The following ASTN1 variants were observed in gnomAD, a reference collection of about 807,000 sequenced individuals.
The protein encoded by ASTN1 is astrotactin-1.
In ASTN1, 41 loss-of-function variants were observed where a neutral mutation model predicts 140.7. The observed-to-expected ratio is 0.29, with a 90% confidence interval of 0.23 to 0.38. ASTN1 has a LOEUF of 0.38. Among genes scored for constraint, ASTN1 ranks in the 10% least tolerant of loss-of-function variants. ASTN1 has a pLI of 1.00. For synonymous variants in ASTN1, 640 were observed against 652.2 expected (o/e 0.98, Z 0.29); for missense variants, 1,479 against 1,678.8 (o/e 0.88, Z 2.08).
At chr1:177,098,763 G>A (rs1680165455) in intron 1 of ASTN1, among the ~76,000 whole-genome samples, 1 of 152,162 alleles carries the variant, frequency 6.6e-6, no homozygotes, top group African/African-American at 2.4e-5. Flanking sequence ...ATCTGCCTCA[G>A]GATAAGGAAA....
At chr1:177,099,466 G>C (rs1680199605) in intron 1 of ASTN1, among the ~76,000 whole-genome samples, 1 of 151,912 alleles carries the variant, frequency 6.6e-6, no homozygotes, top group Admixed American at 6.6e-5. Flanking sequence ...TTGGACATAA[G>C]AGATAACCAC....
chr1:176,962,371 G>A (rs1430252162), intron 9 of ASTN1, among the ~76,000 whole-genome samples: 1 of 152,152 alleles, frequency 6.6e-6, no homozygotes, highest in African/African-American at 2.4e-5. Context: ...TGAACATCAA[G>A]GTCTTTCCTT....
chr1:176,963,581 C>A (rs1672756823), intron 9 of ASTN1, among the ~76,000 whole-genome samples: 1 of 152,160 alleles, frequency 6.6e-6, no homozygotes, highest in Non-Finnish European at 1.5e-5. Context: ...GGTTGGCAGC[C>A]AGCAACTTTG....
intron 8 of ASTN1, among the ~76,000 whole-genome samples, chr1:176,971,693 C>G (rs1291745165): frequency 6.6e-6 from 1 of 152,150 alleles, no homozygotes; most frequent in Non-Finnish European, 1.5e-5. Context: ...CTATTTTCTG[C>G]TCACCAGATA....
intron 17 of ASTN1, among the ~76,000 whole-genome samples, chr1:176,891,569 G>T (rs562227000): frequency 6.6e-6 from 1 of 152,176 alleles, no homozygotes; most frequent in African/African-American, 2.4e-5. Flanking sequence ...CGAGGCTGGC[G>T]GATCACCTGA....
intron 2 of ASTN1, among the ~76,000 whole-genome samples, chr1:177,056,442 T>C (rs1677808977): frequency 6.6e-6 from 1 of 152,088 alleles, no homozygotes; most frequent in Admixed American, 6.5e-5. Context: ...CTCCAGATAC[T>C]GGCCAAGGAG....
chr1:176,896,049 T>C (rs1669488282), intron 16 of ASTN1, among the ~76,000 whole-genome samples: 1 of 152,184 alleles, frequency 6.6e-6, no homozygotes, highest in South Asian at 2.1e-4. Context: ...AAGGTGATTG[T>C]AGATATGACT....
chr1:176,987,510 A>G (rs1246638058), intron 8 of ASTN1, among the ~76,000 whole-genome samples: 1 of 152,156 alleles, frequency 6.6e-6, no homozygotes, highest in Non-Finnish European at 1.5e-5. Context: ...GTAAAATCCA[A>G]GCTTCTCATT....
At chr1:176,962,185 AC>A (rs1161586481) in intron 9 of ASTN1, among the ~76,000 whole-genome samples, 2 of 152,056 alleles carry the variant, frequency 1.3e-5, no homozygotes, top group African/African-American at 4.8e-5. Flanking sequence ...ACCAATCCCT[AC>A]CCCCACAGTC....
intron 11 of ASTN1, among the ~76,000 whole-genome samples, chr1:176,956,437 G>A (rs1382383926): frequency 3.9e-5 from 6 of 152,126 alleles, no homozygotes; most frequent in East Asian, 3.9e-4. Flanking sequence ...TCAGTGATGG[G>A]GAAGAGGGGA....
At chr1:177,066,115 A>C (rs535085941) in intron 1 of ASTN1, among the ~76,000 whole-genome samples, 1 of 152,276 alleles carries the variant, frequency 6.6e-6, no homozygotes, top group African/African-American at 2.4e-5. Flanking sequence ...AGAAAAGTTT[A>C]ATATCTCAAA....
intron 1 of ASTN1, among the ~76,000 whole-genome samples, chr1:177,110,767 G>A (rs761586607): frequency 3.3e-5 from 5 of 152,092 alleles, no homozygotes; most frequent in Non-Finnish European, 7.3e-5. Flanking sequence ...AGCCACAGTC[G>A]GGACTCAAGA....
At chr1:176,959,915 G>A (rs1049815184) in intron 9 of ASTN1, among the ~76,000 whole-genome samples, 1 of 152,144 alleles carries the variant, frequency 6.6e-6, no homozygotes, top group Non-Finnish European at 1.5e-5. Flanking sequence ...TGTGCAGGGA[G>A]GTGCCTGCAC....
intron 21 of ASTN1, among the ~76,000 whole-genome samples, chr1:176,872,934 A>G (rs1457066844): frequency 6.6e-6 from 1 of 152,148 alleles, no homozygotes; most frequent in Non-Finnish European, 1.5e-5. Flanking sequence ...AATATTATAC[A>G]CATTACTGTT....
chr1:176,998,632 G>A (rs894728773), intron 8 of ASTN1, among the ~76,000 whole-genome samples: 42 of 152,120 alleles, frequency 2.8e-4, no homozygotes, highest in African/African-American at 9.9e-4. Context: ...CAGGTGGAGG[G>A]CAATCCTCTA....
chr1:177,083,830 C>T (rs1257788068), intron 1 of ASTN1, among the ~76,000 whole-genome samples: 1 of 152,154 alleles, frequency 6.6e-6, no homozygotes, highest in East Asian at 1.9e-4. Context: ...GTCCTAACAC[C>T]ACCTGGCCCA....
At chr1:177,074,126 T>C (rs545180617) in intron 1 of ASTN1, among the ~76,000 whole-genome samples, 1 of 152,268 alleles carries the variant, frequency 6.6e-6, no homozygotes, top group African/African-American at 2.4e-5. Flanking sequence ...GAATCATTAA[T>C]GATATGACAA....
At chr1:177,086,202 A>T (rs1048039656) in intron 1 of ASTN1, among the ~76,000 whole-genome samples, 1 of 36,096 alleles carries the variant, frequency 2.8e-5, no homozygotes, top group Non-Finnish European at 6.2e-5. Context: ...ACCCACCCCC[A>T]CCTGCTGCCT....
chr1:176,988,387 T>C (rs1276486449), intron 8 of ASTN1, among the ~76,000 whole-genome samples: 4 of 151,940 alleles, frequency 2.6e-5, no homozygotes, highest in Admixed American at 2.0e-4. Flanking sequence ...AGTTTTATTA[T>C]GAGAAAAGCT....
Sources: allele counts gnomAD v4.1 joint callset (sites outside exome capture counted in the v4.1 genomes callset), GRCh38; gene constraint gnomAD v4.1.1; transcripts MANE v1.5; gene names NCBI Gene and HGNC (gene_info 2026-07-23, HGNC 2026-07-21).